The following CCDC77 variants were observed in gnomAD, a reference collection of about 807,000 sequenced individuals.
CCDC77 encodes the protein coiled-coil domain-containing protein 77.
CCDC77 carries 56 observed loss-of-function variants against 66.8 expected under a neutral mutation model. The observed-to-expected ratio is 0.84, with a 90% confidence interval of 0.68 to 1.05. CCDC77 has a LOEUF of 1.05. CCDC77 is among the 50% of genes least tolerant of loss of function. The pLI is 0.00. For synonymous variants in CCDC77, 196 were observed against 195.2 expected, an observed-to-expected ratio of 1.00 and a Z score of -0.03; for missense variants, 570 against 576.8, an observed-to-expected ratio of 0.99 and a Z score of 0.12.
intron 1 of CCDC77, among the ~76,000 whole-genome samples, chr12:393,823 C>T (rs577210791): frequency 1.3e-5 from 2 of 152,296 alleles, no homozygotes; most frequent in African/African-American, 4.8e-5. Context: ...TGAGCCACTG[C>T]GTCCAGCCAA....
chr12:439,123 G>A (rs1945812433), intron 10 of CCDC77, among the ~76,000 whole-genome samples: 1 of 152,112 alleles, frequency 6.6e-6, no homozygotes, highest in Admixed American at 6.6e-5. Flanking sequence ...CTCGTACTAT[G>A]GGTTAGGCCC....
chr12:435,231 A>T (rs1159311168), intron 9 of CCDC77, among the ~76,000 whole-genome samples: 1 of 150,132 alleles, frequency 6.7e-6, no homozygotes. Context: ...ATGGTATCAC[A>T]TGTATTCCGT....
chr12:412,908 CCTT>C lies in CCDC77; in HGVS notation c.270+935_270+937del, dbSNP rs1285034583. On this transcript the variant is annotated intron_variant, in intron 4 of 12. Transcript: ENST00000239830. ...ACCGTTACTCCATCCGTATCTATCT[CCTT>C]CTTCCTTCCTTTGTTTTTTCTCTGG... Among the ~76,000 whole-genome samples the C allele has an allele frequency of 4.6e-5, 7 of 152,184 alleles. No individual in the cohort carries two copies. The East Asian group carries it at 5.8e-4, about 13-fold the overall frequency.
rs368635765 is a variant in CCDC77, at chr12:418,547, G to C, written c.324G>C (p.Gln108His). 1.2e-6 allele frequency: 2 copies of C among 1,613,908 alleles called. No individual in the cohort carries two copies. The highest frequency in any genetic ancestry group is 2.7e-5 in the African/African-American group (2 of 74,922). ...GGGAGGAAGAGATTGCTGAATTGCA[G>C]AAAGCTCTAAGTGATATGCAGGTCT... ...QQREEEIAEL[Q>H]KALSDMQVCL... Residue 108 changes from glutamine (Q) to histidine (H), a missense_variant, in exon 5 of 13, where the codon CAG (glutamine) becomes CAC (histidine). By Grantham distance (24) the Gln-to-His change is conservative. Coordinates refer to ENST00000239830, the MANE Select transcript of CCDC77 (RefSeq NM_032358.4).
intron 1 of CCDC77, among the ~76,000 whole-genome samples, chr12:403,895 A>G (rs1165843468): frequency 6.6e-6 from 1 of 152,130 alleles, no homozygotes. Context: ...GGCTGAAGTG[A>G]TCCTCGCACC....
chr12:403,336 C>T (rs1330090870), intron 1 of CCDC77, among the ~76,000 whole-genome samples: 1 of 152,148 alleles, frequency 6.6e-6, no homozygotes. Flanking sequence ...AACACTGTCC[C>T]TCGGCCTTAT....
intron 4 of CCDC77, among the ~76,000 whole-genome samples, chr12:414,442 C>T (rs182398675): frequency 6.6e-6 from 1 of 152,292 alleles, no homozygotes; most frequent in Non-Finnish European, 1.5e-5. Context: ...CTCTGATCAG[C>T]TCATCTCAGT....
In CCDC77 at chr12:441,877, AG is replaced by A; in HGVS notation, c.1425del (p.Lys475AsnfsTer33). ...ATACAAGGAGAACTGAAGAATCTTA[AG>A]TCGAAAGTGTTTGGTCTGGAGAATG... is the stretch of plus-strand genomic sequence containing the variant. The part of the protein sequence containing the change: ...HKIQGELKNL[K>X]SKVFGLENEL... On this transcript the variant is annotated frameshift_variant, in exon 13 of 13. Coordinates refer to ENST00000239830, the MANE Select transcript of CCDC77 (RefSeq NM_032358.4). LOFTEE classifies it high-confidence loss of function. The A allele has an allele frequency of 6.2e-7, 1 of 1,614,118 alleles. No homozygotes were observed. The highest frequency in any genetic ancestry group is 1.1e-5 in the South Asian group (1 of 91,080).
chr12:427,022 A>G (rs1057446037), intron 5 of CCDC77, among the ~76,000 whole-genome samples: 6 of 152,170 alleles, frequency 3.9e-5, no homozygotes, highest in South Asian at 2.1e-4. Context: ...TGAGGCGGGC[A>G]GATCACGAGG....
Position 440,997 on chromosome 12 carries a change from G to C in CCDC77, c.1320+1G>C. The stretch of plus-strand genomic sequence containing the variant: ...AGACTTGGAGCAAATGTTGTATAAG[G>C]TAATTGCTGGTCCTGAATTGCCACG... On this transcript the variant is annotated splice_donor_variant, in intron 12 of 12. Coordinates refer to ENST00000239830, the MANE Select transcript of CCDC77 (RefSeq NM_032358.4). LOFTEE classifies it high-confidence loss of function. The C allele has an allele frequency of 6.2e-7, 1 of 1,609,378 alleles. No individual in the cohort carries two copies. Among genetic ancestry groups the C allele is most frequent in the South Asian group, 1.1e-5 (1 of 91,084 alleles).
At chr12:398,482 C>A (rs893985079), upstream of CCDC77, among the ~76,000 whole-genome samples, 1 of 151,694 alleles carries the variant, frequency 6.6e-6, no homozygotes, top group African/African-American at 2.4e-5. Context: ...CTCTGTTGCC[C>A]AGGCTGGACT....
chr12:435,812 T>C (rs1321636407), intron 9 of CCDC77, among the ~76,000 whole-genome samples: 1 of 152,004 alleles, frequency 6.6e-6, no homozygotes, highest in African/African-American at 2.4e-5. Flanking sequence ...GATCATAGCT[T>C]ACTGCAGCCT....
chr12:390,991 G>C (rs562015505), intron 1 of CCDC77, among the ~76,000 whole-genome samples: 2 of 152,262 alleles, frequency 1.3e-5, no homozygotes, highest in East Asian at 3.9e-4. Context: ...ACTCCAAAAT[G>C]TACAAGATCA....
intron 4 of CCDC77, among the ~76,000 whole-genome samples, chr12:412,841 T>G (rs1334163674): frequency 6.6e-6 from 1 of 152,172 alleles, no homozygotes; most frequent in Non-Finnish European, 1.5e-5. Flanking sequence ...CTGCAACCCC[T>G]TCTTAGCCCT....
intron 4 of CCDC77, among the ~76,000 whole-genome samples, chr12:413,794 AT>A (rs1228378276): frequency 4.0e-5 from 6 of 150,034 alleles, no homozygotes; most frequent in African/African-American, 1.5e-4. Flanking sequence ...CACCTGGCTA[AT>A]TTTTTGTATT....
At chr12:404,721 CT>C (rs141950603) in intron 1 of CCDC77, among the ~76,000 whole-genome samples, 1,420 of 137,508 alleles carry the variant, frequency 0.01, 7 homozygotes, top group South Asian at 0.028. Context: ...CTTCAAATTA[CT>C]TTTTTTTTTT....
chr12:423,497 T>TG lies in CCDC77; in HGVS notation c.413+4861_413+4862insG, dbSNP rs1565572271. Among the ~76,000 whole-genome samples the TG allele has an allele frequency of 1.9e-3, 143 of 75,782 alleles. 4 individuals are homozygous for TG. The highest frequency in any genetic ancestry group is 8.8e-3 in the Middle Eastern group (1 of 114). The allele number at this position is 75,782 out of a possible 152,430, so 49.7% of individuals were successfully genotyped here. A position where few individuals can be genotyped will look rare whatever the true frequency, so the allele number is the denominator to read the frequency against. On this transcript the variant is annotated intron_variant, in intron 5 of 12. Transcript: ENST00000239830. The stretch of plus-strand genomic sequence containing the variant: ...TTTTTGTGTTTTTTTTTGTTTTGTT[T>TG]TTTTTTTTTTTTTTTTGAGACAGGG...
intron 5 of CCDC77, among the ~76,000 whole-genome samples, chr12:425,609 G>C (rs933973684): frequency 6.6e-6 from 1 of 151,982 alleles, no homozygotes; most frequent in Admixed American, 6.6e-5. Flanking sequence ...TTCCTTCTTG[G>C]TGGTAGCATG....
intron 1 of CCDC77, among the ~76,000 whole-genome samples, chr12:391,155 A>T (rs1264176258): frequency 6.6e-6 from 1 of 152,248 alleles, no homozygotes; most frequent in Non-Finnish European, 1.5e-5. Context: ...CCATACAATT[A>T]TTATAATGAT....
Sources: allele counts gnomAD v4.1 joint callset (sites outside exome capture counted in the v4.1 genomes callset), GRCh38; gene constraint gnomAD v4.1.1; transcripts MANE v1.5; gene names NCBI Gene and HGNC (gene_info 2026-07-23, HGNC 2026-07-21).